AP2A2: variants seen among roughly 807,000 people sequenced by gnomAD.
The protein encoded by AP2A2 is adaptor related protein complex 2 subunit alpha 2, also known as AP-2 complex subunit alpha-2.
In AP2A2, 32 loss-of-function variants were observed where a neutral mutation model predicts 104.2. That is an observed-to-expected ratio of 0.31 (90% CI 0.23 to 0.41). AP2A2 has a LOEUF of 0.41. Among genes scored for constraint, AP2A2 ranks in the 10% least tolerant of loss-of-function variants. The pLI is 1.00. For synonymous variants in AP2A2, 539 were observed against 533.3 expected (o/e 1.01, Z -0.15); for missense variants, 912 against 1,261.0 (o/e 0.72, Z 4.19).
At position 984,760 on chromosome 11, in the gene AP2A2, C is replaced by A; in HGVS notation, c.814+7C>A. 1 of 1,592,758 alleles carries A rather than the reference C, an allele frequency of 6.3e-7. No individual in the cohort carries two copies. The highest frequency in any genetic ancestry group is 8.6e-7 in the Non-Finnish European group (1 of 1,162,902). ...CAGTGCTACCCACCCCCAGGTAACG[C>A]GCAGGCCGCGGCTCCTGAAGCTGCA... On this transcript the variant is annotated splice_region_variant and intron_variant, in intron 7 of 21. Coordinates refer to ENST00000448903, the MANE Select transcript of AP2A2 (RefSeq NM_012305.4).
intron 5 of AP2A2, among the ~76,000 whole-genome samples, chr11:978,657 T>C (rs908518102): frequency 2.6e-5 from 4 of 152,170 alleles, no homozygotes; most frequent in African/African-American, 9.7e-5. Context: ...GGCAGCTGTC[T>C]TTTGTGTGGC....
intron 14 of AP2A2, among the ~76,000 whole-genome samples, chr11:994,879 G>C (rs79978585): frequency 3.9e-4 from 44 of 112,966 alleles, no homozygotes; most frequent in South Asian, 5.9e-4. Flanking sequence ...CTGCTGGCCT[G>C]TCCCGGGGGC....
rs1589989913 is a variant in AP2A2, at chr11:981,449, G to C, written c.705+150G>C. The stretch of plus-strand genomic sequence containing the variant: ...GCTTCTCTGTCAGCCTTCTTGTTGA[G>C]AACTGTCCTGTCTGTACAGAAGCAC... On this transcript the variant is annotated intron_variant, in intron 6 of 21. Coordinates refer to ENST00000448903, the MANE Select transcript of AP2A2 (RefSeq NM_012305.4). 9.1e-6 allele frequency: 6 copies of C among 658,470 alleles called. No individual in the cohort carries two copies. The East Asian group carries it at 1.1e-4, about 12-fold the overall frequency. The allele number at this position is 658,470 out of a possible 1,614,324, so 40.8% of individuals were successfully genotyped here. A position where few individuals can be genotyped will look rare whatever the true frequency, so the allele number is the denominator to read the frequency against.
chr11:1,007,612 C>A, intron 17 of AP2A2: 1 of 273,886 alleles, frequency 3.7e-6, no homozygotes, highest in Admixed American at 5.1e-5. Context: ...CCCAGCAGGG[C>A]AGGCTCTTTT....
At chr11:933,587 A>G in intron 1 of AP2A2, 1 of 456,274 alleles carries the variant, frequency 2.2e-6, no homozygotes, top group Non-Finnish European at 4.4e-6. Flanking sequence ...GACGCATAGA[A>G]GAAATAGCAT....
intron 1 of AP2A2, among the ~76,000 whole-genome samples, chr11:956,365 G>A (rs1854235197): frequency 1.3e-5 from 2 of 152,158 alleles, no homozygotes; most frequent in South Asian, 4.1e-4. Flanking sequence ...GTTTCGCCAC[G>A]TTGGCTAGGC....
chr11:999,434 G>A (rs574534193), intron 14 of AP2A2, among the ~76,000 whole-genome samples: 2 of 152,282 alleles, frequency 1.3e-5, no homozygotes, highest in South Asian at 2.1e-4. Context: ...ATCGCTTGAG[G>A]TGGAGGTTGC....
chr11:992,650 G>A lies in AP2A2; in HGVS notation c.1417G>A (p.Asp473Asn). Residue 473 changes from aspartate to asparagine, a missense_variant, in exon 11 of 22, where the codon GAC (aspartate) becomes AAC (asparagine). This residue lies in a region of AP2A2 where 21 missense variants were observed against 62.0 expected (regional missense o/e 0.34). Transcript: ENST00000448903. The surrounding 1 kb of genome is among the most constrained non-coding windows in gnomAD (Gnocchi z 6.4). ...RVIQIVINRD[D>N]VQGYAAKTVF... ...CATTCAGATCGTCATCAACCGGGAC[G>A]ACGTGCAGGGCTACGCGGCCAAGAC... is the stretch of plus-strand genomic sequence containing the variant. 1.2e-6 allele frequency: 2 copies of A among 1,613,952 alleles called. No homozygotes were observed. The highest frequency in any genetic ancestry group is 1.1e-5 in the South Asian group (1 of 91,090).
In AP2A2 at chr11:1,010,515, G is replaced by A. The variant is rs1327772145; in HGVS notation, c.2743-33G>A. The A allele has an allele frequency of 6.5e-6, 10 of 1,546,270 alleles. No individual in the cohort carries two copies. In the Middle Eastern group the frequency reaches 5.4e-4, roughly 83 times the overall value. ...ACCCGAGGGCTGTGTGAGCCTCGGC[G>A]TGCCCGTTGACCTGCTGTGCTCTCT... On this transcript the variant is annotated intron_variant, in intron 21 of 21. Coordinates refer to ENST00000448903, the MANE Select transcript of AP2A2 (RefSeq NM_012305.4).
chr11:980,681 A>T (rs967409835), intron 5 of AP2A2, among the ~76,000 whole-genome samples: 2 of 152,218 alleles, frequency 1.3e-5, no homozygotes, highest in African/African-American at 4.8e-5. Context: ...CATCCAGCCT[A>T]TGGTGGTTGA....
chr11:928,165 C>T (rs1290617468), intron 1 of AP2A2, among the ~76,000 whole-genome samples: 1 of 152,180 alleles, frequency 6.6e-6, no homozygotes, highest in African/African-American at 2.4e-5. Flanking sequence ...TAGCCGTCCT[C>T]CCTTATTTGT....
At chr11:954,222 T>C (rs777561943) in intron 1 of AP2A2, among the ~76,000 whole-genome samples, 13 of 152,196 alleles carry the variant, frequency 8.5e-5, no homozygotes, top group African/African-American at 3.1e-4. Flanking sequence ...CACAGCAGAA[T>C]GAGTCAAAGG....
chr11:1,008,193 C>G, intron 18 of AP2A2, 58 bp downstream of exon 18: 1 of 1,527,098 alleles, frequency 6.5e-7, no homozygotes, highest in South Asian at 1.3e-5. Flanking sequence ...AGCTGTGTGC[C>G]TGGGCTCCAT....
rs1218000973 is a variant in AP2A2, at chr11:977,200, G to A, written c.579G>A (p.Val193=). Residue 193 remains valine, a synonymous_variant, in exon 5 of 22, where the codon GTG becomes GTA. Transcript: ENST00000448903. Reference sequence around the variant, plus strand: ...TGGGCGACTGGACATCCCGAGTGGTGCACCTGCTCAATGACCAGCACTTGG... The same window carrying A: ...TGGGCGACTGGACATCCCGAGTGGTACACCTGCTCAATGACCAGCACTTGG... ...VPMGDWTSRV[V]HLLNDQHLGV... The A allele has an allele frequency of 6.2e-7, 1 of 1,606,980 alleles. No homozygotes were observed. The highest frequency in any genetic ancestry group is 1.1e-5 in the South Asian group (1 of 90,470).
At position 1,010,586 on chromosome 11, in the gene AP2A2, T is replaced by G; in HGVS notation, c.2781T>G (p.Val927=). 1 of 1,599,222 alleles carries G rather than the reference T, an allele frequency of 6.3e-7. No homozygotes were observed. Among genetic ancestry groups the G allele is most frequent in the Non-Finnish European group, 8.5e-7 (1 of 1,173,146 alleles). The change falls in exon 22 of 22, where the codon GTT becomes GTG. Residue 927 remains valine, a synonymous_variant. Coordinates refer to ENST00000448903, the MANE Select transcript of AP2A2 (RefSeq NM_012305.4). ...CGCTGCGCACAAGTAAGGAAGCCGT[T>G]TCTCAGAGATTATGTGAATTGCTCT... ...RLTLRTSKEA[V]SQRLCELLSA...
At chr11:967,138 G>C (rs1265690326) in intron 2 of AP2A2, among the ~76,000 whole-genome samples, 1 of 152,014 alleles carries the variant, frequency 6.6e-6, no homozygotes, top group Non-Finnish European at 1.5e-5. Context: ...CTGCACTCCA[G>C]CCTGGGCAGC....
At chr11:981,346 A>C (rs1564807036) in intron 6 of AP2A2, 47 bp downstream of exon 6, 7 of 1,430,776 alleles carry the variant, frequency 4.9e-6, no homozygotes, top group Middle Eastern at 3.5e-4. Context: ...GTTTTGTCTT[A>C]GTTATTTATT....
At chr11:1,006,918 G>A (rs1856227647) in intron 17 of AP2A2, 1 of 340,446 alleles carries the variant, frequency 2.9e-6, no homozygotes, top group African/African-American at 2.1e-5. Context: ...TTACTCTCCT[G>A]TGACGTGATC....
chr11:930,239 T>A (rs528655498), intron 1 of AP2A2, among the ~76,000 whole-genome samples: 2 of 152,012 alleles, frequency 1.3e-5, no homozygotes, highest in African/African-American at 4.8e-5. Flanking sequence ...GCAGACTGGC[T>A]TGGGGCATTA....
Sources: gnomAD v4.1 joint callset for allele counts (sites outside exome capture counted in the v4.1 genomes callset) on GRCh38, gnomAD v4.1.1 for gene constraint, gnomAD v4.1.1 regional missense constraint, Gnocchi (gnomAD v3.1) non-coding constraint, MANE v1.5 for transcripts, NCBI Gene and HGNC (gene_info 2026-07-23, HGNC 2026-07-21) for gene names.